The following LAMA3 variants were observed in gnomAD, a reference collection of about 807,000 sequenced individuals.
LAMA3 encodes the protein laminin subunit alpha-3.
LAMA3 carries 281 observed loss-of-function variants against 402.0 expected under a neutral mutation model. That is an observed-to-expected ratio of 0.70 (90% CI 0.63 to 0.77). The LOEUF (loss-of-function observed/expected upper bound fraction) is 0.77, where lower values mean the gene tolerates loss of function less well. Among genes scored for constraint, LAMA3 ranks in the 30% least tolerant of loss-of-function variants. LAMA3 has a pLI of 0.00. For synonymous variants in LAMA3, 1,431 were observed against 1,558.4 expected (o/e 0.92, Z 1.93); for missense variants, 3,840 against 4,215.5 (o/e 0.91, Z 2.47).
chr18:23,832,813 T>C (rs1409459894), intron 23 of LAMA3, among the ~76,000 whole-genome samples: 1 of 152,192 alleles, frequency 6.6e-6, no homozygotes, highest in Non-Finnish European at 1.5e-5. Flanking sequence ...TGTATTTGCA[T>C]GTATATATTT....
At chr18:23,942,580 CTTTT>C (rs11293501) in intron 68 of LAMA3, among the ~76,000 whole-genome samples, 8 of 133,566 alleles carry the variant, frequency 6.0e-5, no homozygotes, top group Admixed American at 1.5e-4. Flanking sequence ...TTGCACTCTG[CTTTT>C]TTTTTTTTTT....
At chr18:23,742,647 A>C (rs1287791913) in intron 2 of LAMA3, among the ~76,000 whole-genome samples, 2 of 97,324 alleles carry the variant, frequency 2.1e-5, no homozygotes, top group Non-Finnish European at 3.9e-5. Context: ...CAAAGAATCA[A>C]AAATGTGTGT....
intron 12 of LAMA3, among the ~76,000 whole-genome samples, chr18:23,808,057 A>G (rs2062997452): frequency 6.6e-6 from 1 of 152,170 alleles, no homozygotes; most frequent in South Asian, 2.1e-4. Context: ...TGGAGTGGGT[A>G]GTGTCTTGTG....
intron 42 of LAMA3, among the ~76,000 whole-genome samples, chr18:23,891,809 C>G (rs1016374085): frequency 1.3e-5 from 2 of 152,198 alleles, no homozygotes; most frequent in African/African-American, 4.8e-5. Flanking sequence ...ACTGTCTTCA[C>G]TGAGTTCCAT....
At chr18:23,800,580 A>G (rs1391337190) in intron 12 of LAMA3, among the ~76,000 whole-genome samples, 1 of 152,160 alleles carries the variant, frequency 6.6e-6, no homozygotes, top group African/African-American at 2.4e-5. Context: ...GTATACACTA[A>G]ATTATTGTTA....
intron 41 of LAMA3, among the ~76,000 whole-genome samples, chr18:23,885,339 CCCCCACCCCCA>C: frequency 7.3e-6 from 1 of 136,182 alleles, no homozygotes; most frequent in Non-Finnish European, 1.6e-5. Flanking sequence ...CACCCCCCCA[CCCCCACCCCCA>C]CCCCACACAC....
chr18:23,847,756 C>T (rs2063851877), intron 32 of LAMA3, 88 bp downstream of exon 32: 5 of 1,359,556 alleles, frequency 3.7e-6, no homozygotes, highest in Admixed American at 2.0e-5. Flanking sequence ...CTTTCCACTT[C>T]CCACCTGTCC....
intron 55 of LAMA3, among the ~76,000 whole-genome samples, chr18:23,912,367 T>A (rs1312081963): frequency 1.3e-5 from 2 of 152,064 alleles, no homozygotes; most frequent in African/African-American, 2.4e-5. Context: ...CCTCCATAGA[T>A]GTTAGTTCAT....
chr18:23,712,626 TATA>T (rs534795881), intron 1 of LAMA3, among the ~76,000 whole-genome samples: 287 of 108,530 alleles, frequency 2.6e-3, no homozygotes, highest in Admixed American at 4.7e-3. Flanking sequence ...ACCATTTTTG[TATA>T]ATGTCGAAAG....
chr18:23,941,401 C>A (rs1025860044), intron 68 of LAMA3, among the ~76,000 whole-genome samples: 3 of 150,072 alleles, frequency 2.0e-5, no homozygotes, highest in Non-Finnish European at 3.0e-5. Flanking sequence ...GATTCAACCC[C>A]TGTGCCTTCC....
rs749294313 is a variant in LAMA3 at position 23,813,042 on chromosome 18, C to T, written c.1742-15C>T. The T allele has an allele frequency of 6.3e-7, 1 of 1,587,558 alleles. No individual in the cohort carries two copies. Among genetic ancestry groups the T allele is most frequent in the South Asian group, 1.1e-5 (1 of 90,396 alleles). ...AAACTACCAGATAATTTAAAAATTT[C>T]TGAATCATATTCAGGTTCCAGCAGT... is the stretch of plus-strand genomic sequence containing the variant. On this transcript the variant is annotated splice_polypyrimidine_tract_variant and intron_variant, in intron 13 of 74. Transcript: ENST00000313654.
At chr18:23,767,641 G>A (rs573644795) in intron 8 of LAMA3, among the ~76,000 whole-genome samples, 5 of 141,756 alleles carry the variant, frequency 3.5e-5, no homozygotes, top group South Asian at 2.2e-4. Flanking sequence ...GCAGTGGCAC[G>A]ATCTGGGCTT....
chr18:23,710,705 T>G (rs768416247), intron 1 of LAMA3, among the ~76,000 whole-genome samples: 3 of 151,992 alleles, frequency 2.0e-5, no homozygotes, highest in Non-Finnish European at 4.4e-5. Flanking sequence ...AGTTCAGGAG[T>G]AAAACAAATG....
At chr18:23,890,482 G>A (rs576470630) in intron 42 of LAMA3, among the ~76,000 whole-genome samples, 10 of 152,030 alleles carry the variant, frequency 6.6e-5, no homozygotes, top group African/African-American at 9.7e-5. Flanking sequence ...CAGCTTTCCC[G>A]TGTGTGTCTG....
chr18:23,825,460 C>T (rs2063363026), intron 21 of LAMA3, among the ~76,000 whole-genome samples: 1 of 152,136 alleles, frequency 6.6e-6, no homozygotes, highest in Non-Finnish European at 1.5e-5. Flanking sequence ...CGCTTAATTC[C>T]AATCCTGTCT....
At chr18:23,708,287 G>A (rs374548069) in intron 1 of LAMA3, among the ~76,000 whole-genome samples, 1 of 152,060 alleles carries the variant, frequency 6.6e-6, no homozygotes, top group Non-Finnish European at 1.5e-5. Flanking sequence ...AATAAGCCCC[G>A]ATTCCTTGAA....
Position 23,836,995 on chromosome 18 carries a change from G to A in LAMA3, c.2999G>A (p.Ser1000Asn), listed in dbSNP as rs752410974. Residue 1000 changes from serine to asparagine, a missense_variant, in exon 25 of 75, where the codon AGT (serine) becomes AAT (asparagine). Around this residue, in one of 3 missense-constraint regions of LAMA3, gnomAD observed 2,109 missense variants for 2,376.0 expected, o/e 0.89. Transcript: ENST00000313654. ...YSCNYSVLCR[S>N]AVIDHMSRIA... ...TTCTCTTGCAGTGTTCTCTGCCGGA[G>A]TGCTGTGATTGATCACATGAGCCGC... 6 of 1,613,616 alleles carry A rather than the reference G, an allele frequency of 3.7e-6. No homozygotes were observed. The highest frequency in any genetic ancestry group is 5.1e-6 in the Non-Finnish European group (6 of 1,179,724).
intron 21 of LAMA3, 35 bp downstream of exon 21, chr18:23,824,600 G>A (rs1199003105): frequency 6.2e-7 from 1 of 1,611,186 alleles, no homozygotes; most frequent in East Asian, 2.2e-5. Flanking sequence ...GCTCCTGCGG[G>A]ATTCTTCCTA....
At chr18:23,758,898 G>A (rs1350819084) in intron 7 of LAMA3, among the ~76,000 whole-genome samples, 1 of 152,204 alleles carries the variant, frequency 6.6e-6, no homozygotes, top group Non-Finnish European at 1.5e-5. Context: ...CGGCAAGGTT[G>A]AGTCTAAACA....
Sources: gnomAD v4.1 joint callset for allele counts (sites outside exome capture counted in the v4.1 genomes callset) on GRCh38, gnomAD v4.1.1 for gene constraint, gnomAD v4.1.1 regional missense constraint, MANE v1.5 for transcripts, NCBI Gene and HGNC (gene_info 2026-07-23, HGNC 2026-07-21) for gene names.